The following AP5M1 variants were observed in gnomAD, a reference collection of about 807,000 sequenced individuals.
AP5M1 encodes adaptor related protein complex 5 subunit mu 1.
Under a neutral mutation model 52.3 loss-of-function variants are expected in AP5M1, and 44 were observed. The observed-to-expected ratio is 0.84, with a 90% CI of 0.66 to 1.08. The LOEUF is 1.08. Among genes scored for constraint, AP5M1 ranks in the 50% least tolerant of loss-of-function variants. The pLI is 0.00. For missense variants in AP5M1, 526 were observed against 568.4 expected (o/e 0.93, Z 0.76); for synonymous variants, 213 against 199.0 (o/e 1.07, Z -0.59).
rs1255782826 is a variant in AP5M1 at position 57,274,827 on chromosome 14, A to G, written c.658A>G (p.Met220Val). 9 of 1,614,126 alleles carry G rather than the reference A, an allele frequency of 5.6e-6. No homozygotes were observed. The highest frequency in any genetic ancestry group is 2.7e-5 in the African/African-American group (2 of 74,950). ...TTCTATCACTGAAAAGGTAAAATCCATGCAATATGATAAACAGGGTATAGC... is the reference window on the plus strand; with the variant it reads ...TTCTATCACTGAAAAGGTAAAATCCGTGCAATATGATAAACAGGGTATAGC... ...SISITEKVKS[M>V]QYDKQGIADT... Residue 220 changes from methionine (M) to valine (V), a missense_variant, in exon 2 of 8, where the codon ATG (methionine) becomes GTG (valine). Coordinates refer to ENST00000261558, the MANE Select transcript of AP5M1 (RefSeq NM_018229.4).
At chr14:57,287,033 T>G (rs1191298317) in intron 7 of AP5M1, among the ~76,000 whole-genome samples, 1 of 150,870 alleles carries the variant, frequency 6.6e-6, no homozygotes, top group South Asian at 2.1e-4. Flanking sequence ...ACACGAAACA[T>G]ATGAAAATAT....
At chr14:57,283,041 ATTTT>A in intron 5 of AP5M1, 22 bp downstream of exon 5, 1 of 1,573,716 alleles carries the variant, frequency 6.4e-7, no homozygotes, top group Non-Finnish European at 8.7e-7. Flanking sequence ...TTATTTATTG[ATTTT>A]TTTTCTTTTC....
chr14:57,269,479 C>A, intron 1 of AP5M1, 91 bp downstream of exon 1: 2 of 1,267,674 alleles, frequency 1.6e-6, no homozygotes, highest in Non-Finnish European at 1.1e-6. Flanking sequence ...AGGTTTGCCA[C>A]GAATAGCTGC....
At position 57,296,375 on chromosome 14, in the gene AP5M1, A is replaced by G. The variant is rs1466568073; in HGVS notation, c.*7491A>G. On this transcript the variant is annotated 3_prime_UTR_variant, in exon 8 of 8. Coordinates refer to ENST00000261558, the MANE Select transcript of AP5M1 (RefSeq NM_018229.4). ...GATTACCCCTTGCTAAAGGCTCTTA[A>G]GAAACTGTTAGCCTGTTACTTTATT... is the stretch of plus-strand genomic sequence containing the variant. The G allele has an allele frequency of 6.6e-6, 1 of 152,086 alleles. No homozygotes were observed. The highest frequency in any genetic ancestry group is 1.5e-5 in the Non-Finnish European group (1 of 67,976). 9.4% of individuals were successfully genotyped at this position (152,086 alleles called of 1,614,324 possible). A position where few individuals can be genotyped will look rare whatever the true frequency, so the allele number is the denominator to read the frequency against.
chr14:57,272,727 A>G (rs974531643), intron 1 of AP5M1, among the ~76,000 whole-genome samples: 3 of 152,172 alleles, frequency 2.0e-5, no homozygotes, highest in Non-Finnish European at 2.9e-5. Flanking sequence ...AGAGATCTCT[A>G]CTATTCATAT....
chr14:57,271,518 T>C (rs1884895539), intron 1 of AP5M1, among the ~76,000 whole-genome samples: 2 of 152,152 alleles, frequency 1.3e-5, no homozygotes, highest in Admixed American at 1.3e-4. Context: ...CCTTTTTTTC[T>C]TTGAAAGTTG....
In AP5M1 at chr14:57,269,287, G is replaced by A. The variant is rs1480870104; in HGVS notation, c.-28G>A. 1 of 1,611,482 alleles carries A rather than the reference G, an allele frequency of 6.2e-7. No homozygotes were observed. The highest frequency in any genetic ancestry group is 8.5e-7 in the Non-Finnish European group (1 of 1,178,294). Reference sequence around the variant, plus strand: ...TCCTCGGTGGCGACCTTAATTATGAGATGAGCTAATGCTTTACTGACTTAA... The same window carrying A: ...TCCTCGGTGGCGACCTTAATTATGAAATGAGCTAATGCTTTACTGACTTAA... On this transcript the variant is annotated 5_prime_UTR_variant, in exon 1 of 8. Transcript: ENST00000261558.
At chr14:57,270,889 A>G (rs948792867) in intron 1 of AP5M1, among the ~76,000 whole-genome samples, 1 of 152,184 alleles carries the variant, frequency 6.6e-6, no homozygotes, top group African/African-American at 2.4e-5. Context: ...AACATCCATG[A>G]TACTTTGTGT....
In AP5M1 at chr14:57,290,567, A is replaced by G. The variant is rs1016708129; in HGVS notation, c.*1683A>G. The G allele has an allele frequency of 6.6e-5, 10 of 151,946 alleles. No homozygotes were observed. Among genetic ancestry groups the G allele is most frequent in the Non-Finnish European group, 1.5e-4 (10 of 67,904 alleles). The allele number at this position is 151,946 out of a possible 1,614,324, so 9.4% of individuals were successfully genotyped here. A position where few individuals can be genotyped will look rare whatever the true frequency, so the allele number is the denominator to read the frequency against. On this transcript the variant is annotated 3_prime_UTR_variant, in exon 8 of 8. Coordinates refer to ENST00000261558, the MANE Select transcript of AP5M1 (RefSeq NM_018229.4). ...TAGTGAGTAGGCAAAGATTTAATAT[A>G]ATAATCCCCTAGGCAAAAGTTTATA... is the stretch of plus-strand genomic sequence containing the variant.
Position 57,282,101 on chromosome 14 carries a change from C to T in AP5M1, c.961C>T (p.Pro321Ser), listed in dbSNP as rs765379391. 4 of 1,573,790 alleles carry T rather than the reference C, an allele frequency of 2.5e-6. No homozygotes were observed. Among genetic ancestry groups the T allele is most frequent in the Admixed American group, 3.9e-5 (2 of 51,570 alleles). ...CFYTSQVPVP[P>S]ILGFYQMKEE... ...TGTTTCTTTTTAGGTCCCTGTCCCA[C>T]CAATTTTGGGTTTTTATCAAATGAA... The change falls in exon 4 of 8, where the codon CCA (proline) becomes TCA (serine). Residue 321 changes from proline to serine, a missense_variant. Physicochemically the swap from Pro to Ser is moderately conservative, Grantham distance 74. Coordinates refer to ENST00000261558, the MANE Select transcript of AP5M1 (RefSeq NM_018229.4).
chr14:57,287,833 T>C (rs1011610323), intron 7 of AP5M1, among the ~76,000 whole-genome samples: 4 of 152,168 alleles, frequency 2.6e-5, no homozygotes, highest in Admixed American at 1.3e-4. Context: ...TATTGCTTAC[T>C]ATATGCCAGG....
chr14:57,277,148 T>TA (rs1279705319), intron 2 of AP5M1, among the ~76,000 whole-genome samples: 2 of 148,040 alleles, frequency 1.4e-5, no homozygotes, highest in Non-Finnish European at 3.0e-5. Context: ...TTTTTTTTTT[T>TA]AAATAACTTT....
rs1885378562 is a variant in AP5M1, at chr14:57,289,069, C to A, written c.*185C>A. Reference sequence around the variant, plus strand: ...GAAAGGACATTTTAAAAGCTAATGTCTCCAATTTTGTTAACCTTCGATTTT... The same window carrying A: ...GAAAGGACATTTTAAAAGCTAATGTATCCAATTTTGTTAACCTTCGATTTT... On this transcript the variant is annotated 3_prime_UTR_variant, in exon 8 of 8. Coordinates refer to ENST00000261558, the MANE Select transcript of AP5M1 (RefSeq NM_018229.4). 5.1e-6 allele frequency: 2 copies of A among 391,826 alleles called. No individual in the cohort carries two copies. The highest frequency in any genetic ancestry group is 9.1e-6 in the Non-Finnish European group (2 of 219,004). The allele number at this position is 391,826 out of a possible 1,614,324, so 24.3% of individuals were successfully genotyped here. A position where few individuals can be genotyped will look rare whatever the true frequency, so the allele number is the denominator to read the frequency against.
At chr14:57,288,084 A>G (rs1257041795) in intron 7 of AP5M1, among the ~76,000 whole-genome samples, 1 of 152,090 alleles carries the variant, frequency 6.6e-6, no homozygotes, top group African/African-American at 2.4e-5. Context: ...TGAAGAGAAC[A>G]AAAAAGACAA....
At chr14:57,281,538 C>G (rs1468424697) in intron 3 of AP5M1, among the ~76,000 whole-genome samples, 1 of 152,264 alleles carries the variant, frequency 6.6e-6, no homozygotes, top group East Asian at 1.9e-4. Context: ...CTCTGCTTCT[C>G]AGTCTCCTCT....
chr14:57,281,903 T>C (rs2139692670), intron 3 of AP5M1, among the ~76,000 whole-genome samples, 186 bp from the exon 4 acceptor site: 1 of 152,290 alleles, frequency 6.6e-6, no homozygotes, highest in Non-Finnish European at 1.5e-5. Context: ...TAAAGCGCTT[T>C]TCTCATCTCC....
intron 2 of AP5M1, chr14:57,278,639 G>C (rs188533103): frequency 2.0e-5 from 3 of 152,342 alleles, no homozygotes; most frequent in African/African-American, 2.4e-5. Context: ...AGAATGTAAG[G>C]CTTCACACAT....
intron 6 of AP5M1, among the ~76,000 whole-genome samples, chr14:57,285,215 C>T (rs368772527): frequency 6.6e-6 from 1 of 152,170 alleles, no homozygotes; most frequent in Non-Finnish European, 1.5e-5. Context: ...CTTGGCTTCA[C>T]TTATGTCCAG....
rs748970097 is a variant in AP5M1, at chr14:57,295,649, G to A, written c.*6765G>A. 1 of 150,966 alleles carries A rather than the reference G, an allele frequency of 6.6e-6. No homozygotes were observed. Among genetic ancestry groups the A allele is most frequent in the Admixed American group, 6.6e-5 (1 of 15,106 alleles). 9.4% of individuals were successfully genotyped at this position (150,966 alleles called of 1,614,324 possible). On this transcript the variant is annotated 3_prime_UTR_variant, in exon 8 of 8. Coordinates refer to ENST00000261558, the MANE Select transcript of AP5M1 (RefSeq NM_018229.4). ...TTTCTCAACTATGTTACTTCAAAAT[G>A]TTTAAGTGCCAAACTTAATGTTACC...
Sources: allele counts gnomAD v4.1 joint callset (sites outside exome capture counted in the v4.1 genomes callset), GRCh38; gene constraint gnomAD v4.1.1; transcripts MANE v1.5; gene names NCBI Gene and HGNC (gene_info 2026-07-23, HGNC 2026-07-21).